Variants in ZC3H8 observed in about 807,000 individuals in gnomAD.
ZC3H8 encodes the protein zinc finger CCCH domain-containing protein 8.
ZC3H8 carries 27 observed loss-of-function variants against 42.5 expected under a neutral mutation model. The ratio of observed to expected loss-of-function variants is 0.64; its 90% CI spans 0.47 to 0.88. The LOEUF (loss-of-function observed/expected upper bound fraction) is 0.88. Ranked by LOEUF, ZC3H8 falls within the 40% of genes least tolerant of loss-of-function variation. The pLI, the probability that ZC3H8 is intolerant of heterozygous loss-of-function variation, is 0.00. For synonymous variants in ZC3H8, 101 were observed against 110.1 expected (o/e 0.92, Z 0.52); for missense variants, 277 against 336.1 (o/e 0.82, Z 1.37).
intron 4 of ZC3H8, among the ~76,000 whole-genome samples, chr2:112,236,312 A>G (rs911963953): frequency 3.3e-5 from 5 of 152,200 alleles, no homozygotes; most frequent in Non-Finnish European, 5.9e-5. Flanking sequence ...GCATATATTC[A>G]GGAACAACAG....
At chr2:112,248,421 A>G (rs1441067960) in intron 2 of ZC3H8, among the ~76,000 whole-genome samples, 2 of 152,214 alleles carry the variant, frequency 1.3e-5, no homozygotes, top group Non-Finnish European at 2.9e-5. Flanking sequence ...AGTAAAAGAT[A>G]CACTATTAAA....
rs1333696290 is a variant in ZC3H8 at position 112,250,188 on chromosome 2, T to C, written c.156+3A>G. ...ACTTAAACAGTGGTCAACTTAATCT[T>C]ACTTTTTTGGGAATTTGCTCGCACT... On this transcript the variant is annotated splice_donor_region_variant and intron_variant, in intron 2 of 8. Transcript: ENST00000409573. 1.3e-6 allele frequency: 2 copies of C among 1,563,112 alleles called. No homozygotes were observed. Among genetic ancestry groups the C allele is most frequent in the Non-Finnish European group, 1.7e-6 (2 of 1,152,458 alleles).
chr2:112,247,551 C>G (rs1033746055), intron 2 of ZC3H8, among the ~76,000 whole-genome samples: 1 of 152,124 alleles, frequency 6.6e-6, no homozygotes, highest in Non-Finnish European at 1.5e-5. Flanking sequence ...TTTACTGCAG[C>G]CTGTGCAACA....
chr2:112,254,042 C>T, intron 1 of ZC3H8: 2 of 898,264 alleles, frequency 2.2e-6, no homozygotes, highest in South Asian at 1.0e-4. Flanking sequence ...AGGACGGCAT[C>T]ATCTTCTCTT....
chr2:112,227,028 GA>G (rs1343891724), intron 8 of ZC3H8, among the ~76,000 whole-genome samples: 1 of 152,210 alleles, frequency 6.6e-6, no homozygotes, highest in African/African-American at 2.4e-5. Context: ...CAAAAAACTA[GA>G]AATAGGAGAG....
chr2:112,213,608 C>G lies in ZC3H8; in HGVS notation c.*2876G>C, dbSNP rs549780761. The G allele has an allele frequency of 5.3e-5, 8 of 150,928 alleles. No individual in the cohort carries two copies. Among genetic ancestry groups the G allele is most frequent in the Admixed American group, 3.3e-4 (5 of 15,242 alleles). 9.3% of individuals were successfully genotyped at this position (150,928 alleles called of 1,614,324 possible). ...TGGCTAATACAGTGAAACCCAGTCT[C>G]TACTAAAAATACAAAAAATTAGCAG... On this transcript the variant is annotated 3_prime_UTR_variant, in exon 9 of 9. Coordinates refer to ENST00000409573, the MANE Select transcript of ZC3H8 (RefSeq NM_032494.3).
At position 112,231,904 on chromosome 2, in the gene ZC3H8, A is replaced by G; in HGVS notation, c.777T>C (p.Tyr259=). 2 of 1,588,584 alleles carry G rather than the reference A, an allele frequency of 1.3e-6. No homozygotes were observed. Among genetic ancestry groups the G allele is most frequent in the South Asian group, 2.3e-5 (2 of 86,972 alleles). The change falls in exon 7 of 9, where the codon TAT becomes TAC. Residue 259 remains tyrosine (Y), a synonymous_variant. Coordinates refer to ENST00000409573, the MANE Select transcript of ZC3H8 (RefSeq NM_032494.3). ...CKFYHTGTKC[Y]QGEYCKFSHA... is the part of the protein sequence containing the mutation. ...GAGAAAACTTGCAGTATTCTCCCTG[A>G]TAACATTTTGTTCCTGTATGGTAAA...
At chr2:112,228,130 A>G (rs1684925778) in intron 8 of ZC3H8, among the ~76,000 whole-genome samples, 1 of 152,234 alleles carries the variant, frequency 6.6e-6, no homozygotes, top group South Asian at 2.1e-4. Flanking sequence ...GTACAGAAAT[A>G]AATCCATACA....
At chr2:112,222,727 C>CAA (rs1281043234) in intron 8 of ZC3H8, among the ~76,000 whole-genome samples, 1 of 152,118 alleles carries the variant, frequency 6.6e-6, no homozygotes, top group Non-Finnish European at 1.5e-5. Context: ...GTCAAAATCA[C>CAA]AAGAGACAGA....
At chr2:112,234,781 T>C (rs6725166) in intron 4 of ZC3H8, among the ~76,000 whole-genome samples, 2,662 of 149,796 alleles carry the variant, frequency 0.018, 70 homozygotes, top group African/African-American at 0.058. Context: ...GCCTGGGCAA[T>C]AGAACGAGAC....
intron 2 of ZC3H8, 84 bp downstream of exon 2, chr2:112,250,107 T>A: frequency 9.8e-7 from 1 of 1,017,692 alleles, no homozygotes; most frequent in Non-Finnish European, 1.4e-6. Flanking sequence ...TTTCCATCTG[T>A]TTTTTCTTTT....
In ZC3H8 at chr2:112,232,066, G is replaced by A. The variant is rs1412090817; in HGVS notation, c.734-119C>T. 9.9e-5 allele frequency: 49 copies of A among 495,218 alleles called. 1 individual carries two copies. The highest frequency in any genetic ancestry group is 1.4e-4 in the Non-Finnish European group (40 of 293,104). 30.7% of individuals were successfully genotyped at this position (495,218 alleles called of 1,614,324 possible). ...TGGCCGGGCGAGGTGGCTCATGCCT[G>A]TAGGAGGCGGAGGTGGGCAGATCAC... On this transcript the variant is annotated intron_variant, in intron 6 of 8. Coordinates refer to ENST00000409573, the MANE Select transcript of ZC3H8 (RefSeq NM_032494.3).
intron 2 of ZC3H8, among the ~76,000 whole-genome samples, chr2:112,246,392 G>C (rs966219339): frequency 6.6e-6 from 1 of 152,220 alleles, no homozygotes; most frequent in Admixed American, 6.5e-5. Flanking sequence ...GATCTGGGCA[G>C]AGTAAATTGA....
chr2:112,253,555 G>T (rs189974720), intron 1 of ZC3H8, among the ~76,000 whole-genome samples: 1 of 152,302 alleles, frequency 6.6e-6, no homozygotes, highest in East Asian at 1.9e-4. Flanking sequence ...GCAGATAAGA[G>T]ATCCTAGAAT....
chr2:112,254,723 C>T (rs1273602354), intron 1 of ZC3H8, among the ~76,000 whole-genome samples, 185 bp downstream of exon 1: 1 of 152,222 alleles, frequency 6.6e-6, no homozygotes, highest in Non-Finnish European at 1.5e-5. Context: ...TCAGCTTCTG[C>T]TCCCACCCGG....
intron 2 of ZC3H8, among the ~76,000 whole-genome samples, chr2:112,247,710 T>C (rs945352070): frequency 6.6e-6 from 1 of 152,258 alleles, no homozygotes; most frequent in African/African-American, 2.4e-5. Context: ...GTCCATCTTC[T>C]CACAGTACTG....
intron 2 of ZC3H8, among the ~76,000 whole-genome samples, chr2:112,239,834 C>T (rs1391668340): frequency 6.6e-6 from 1 of 152,184 alleles, no homozygotes; most frequent in Non-Finnish European, 1.5e-5. Flanking sequence ...ATCCGCCTGC[C>T]TCGGCCTCCC....
At position 112,231,834 on chromosome 2, in the gene ZC3H8, T is replaced by C. The variant is rs2104653268; in HGVS notation, c.843+4A>G. 1 of 1,541,508 alleles carries C rather than the reference T, an allele frequency of 6.5e-7. No individual in the cohort carries two copies. The highest frequency in any genetic ancestry group is 1.4e-5 in the African/African-American group (1 of 72,492). On this transcript the variant is annotated splice_donor_region_variant and intron_variant, in intron 7 of 8. Transcript: ENST00000409573. Reference sequence around the variant, plus strand: ...AACAAAAGATTATTAAAAATTATACTTACTTTAGCCAACAATTCTTGTGTT... The same window carrying C: ...AACAAAAGATTATTAAAAATTATACCTACTTTAGCCAACAATTCTTGTGTT...
chr2:112,238,145 G>C (rs1013827007), intron 3 of ZC3H8, among the ~76,000 whole-genome samples, 170 bp downstream of exon 3: 2 of 152,128 alleles, frequency 1.3e-5, no homozygotes, highest in African/African-American at 2.4e-5. Context: ...CAAGTGGCCA[G>C]GTCTCAGATG....
Sources: gnomAD v4.1 joint callset for allele counts (sites outside exome capture counted in the v4.1 genomes callset) on GRCh38, gnomAD v4.1.1 for gene constraint, MANE v1.5 for transcripts, NCBI Gene and HGNC (gene_info 2026-07-23, HGNC 2026-07-21) for gene names.